The following EXOC4 variants were observed in gnomAD, a reference collection of about 807,000 sequenced individuals.
The protein encoded by EXOC4 is exocyst complex component 4.
Under a neutral mutation model 107.2 loss-of-function variants are expected in EXOC4, and 71 were observed. The ratio of observed to expected loss-of-function variants is 0.66; its 90% CI spans 0.55 to 0.81. EXOC4 has a LOEUF of 0.81. EXOC4 is among the 30% of genes least tolerant of loss of function. The pLI, the probability that EXOC4 is intolerant of heterozygous loss-of-function variation, is 0.00. For synonymous variants in EXOC4, 456 were observed against 441.2 expected (o/e 1.03, Z -0.42); for missense variants, 1,108 against 1,189.6 (o/e 0.93, Z 1.01).
chr7:133,395,217 A>G (rs1796944825), intron 7 of EXOC4, among the ~76,000 whole-genome samples: 1 of 151,720 alleles, frequency 6.6e-6, no homozygotes, highest in East Asian at 1.9e-4. Context: ...CATTTAAAGC[A>G]CTCACATTAA....
chr7:133,738,425 A>G (rs530259343), intron 10 of EXOC4, among the ~76,000 whole-genome samples: 60 of 152,302 alleles, frequency 3.9e-4, no homozygotes, highest in African/African-American at 1.4e-3. Flanking sequence ...TTAGTGCAAC[A>G]TTGTAAAAGA....
intron 10 of EXOC4, among the ~76,000 whole-genome samples, chr7:133,729,206 G>A (rs1018537888): frequency 3.3e-5 from 5 of 152,052 alleles, no homozygotes; most frequent in Admixed American, 6.5e-5. Context: ...ATTTAGTTGC[G>A]AACTAAAAAC....
At chr7:133,796,452 T>A (rs1796816410) in intron 10 of EXOC4, among the ~76,000 whole-genome samples, 1 of 152,162 alleles carries the variant, frequency 6.6e-6, no homozygotes, top group Admixed American at 6.5e-5. Flanking sequence ...ATTGATGTAA[T>A]ATTGAGTTAA....
chr7:133,977,164 G>T (rs1053549698), intron 14 of EXOC4, among the ~76,000 whole-genome samples: 1 of 152,220 alleles, frequency 6.6e-6, no homozygotes, highest in Non-Finnish European at 1.5e-5. Flanking sequence ...GCTCCAAATT[G>T]AGTGACCTTG....
At chr7:133,857,705 C>T (rs932286095) in intron 11 of EXOC4, among the ~76,000 whole-genome samples, 1 of 151,918 alleles carries the variant, frequency 6.6e-6, no homozygotes, top group African/African-American at 2.4e-5. Flanking sequence ...CTGGACTAGG[C>T]ATACCACAAG....
chr7:133,895,312 G>A (rs907223902), intron 11 of EXOC4: 14 of 331,232 alleles, frequency 4.2e-5, no homozygotes, highest in Non-Finnish European at 7.6e-5. Flanking sequence ...GCACCCACTG[G>A]CCTGCGCCCA....
intron 10 of EXOC4, among the ~76,000 whole-genome samples, chr7:133,746,519 A>G (rs2151133722): frequency 6.6e-6 from 1 of 152,230 alleles, no homozygotes; most frequent in East Asian, 1.9e-4. Flanking sequence ...ATTTCTGCCT[A>G]AGGCTGGGTT....
At chr7:133,698,779 A>G (rs1794594191) in intron 10 of EXOC4, among the ~76,000 whole-genome samples, 1 of 152,154 alleles carries the variant, frequency 6.6e-6, no homozygotes, top group African/African-American at 2.4e-5. Context: ...CTTTGAGGCC[A>G]TGTACTGTGA....
At chr7:133,638,506 T>A (rs186453494) in intron 10 of EXOC4, among the ~76,000 whole-genome samples, 1 of 152,292 alleles carries the variant, frequency 6.6e-6, no homozygotes, top group Non-Finnish European at 1.5e-5. Context: ...ATAGTTGACT[T>A]CTGTGTCGCT....
At position 133,751,258 on chromosome 7, in the gene EXOC4, G is replaced by T. The variant is rs74428268; in HGVS notation, c.1515-66067G>T. 1.9e-3 allele frequency among the ~76,000 whole-genome samples: 294 copies of T among 152,288 alleles called. 4 individuals carry two copies. The highest frequency in any genetic ancestry group is 6.8e-3 in the African/African-American group (282 of 41,560). On this transcript the variant is annotated intron_variant, in intron 10 of 17. Coordinates refer to ENST00000253861, the MANE Select transcript of EXOC4 (RefSeq NM_021807.4). ...GCACTAGTATTCACCATTCCCAAAT[G>T]TTACAATTAAATCATTTGAGAGTCT...
chr7:133,402,271 G>A (rs1797107090), intron 7 of EXOC4, among the ~76,000 whole-genome samples: 1 of 152,182 alleles, frequency 6.6e-6, no homozygotes, highest in Non-Finnish European at 1.5e-5. Flanking sequence ...CTTTGTAAGT[G>A]GTAAAATTTG....
At chr7:134,025,721 A>G (rs1449208111) in intron 17 of EXOC4, among the ~76,000 whole-genome samples, 1 of 152,102 alleles carries the variant, frequency 6.6e-6, no homozygotes. Context: ...TTTCCATGTG[A>G]TTTCTTCATC....
At chr7:133,607,562 T>C (rs1801977863) in intron 9 of EXOC4, among the ~76,000 whole-genome samples, 1 of 152,098 alleles carries the variant, frequency 6.6e-6, no homozygotes, top group South Asian at 2.1e-4. Flanking sequence ...ATGTAGTAAA[T>C]AAATAATTAT....
chr7:134,076,091 G>T, the EXOC4 span, among the ~76,000 whole-genome samples: 1 of 152,218 alleles, frequency 6.6e-6, no homozygotes, highest in Admixed American at 6.5e-5. Context: ...TTCAATGAGG[G>T]ATGAAATTTT....
chr7:133,355,065 A>C (rs1795993542), intron 5 of EXOC4, among the ~76,000 whole-genome samples: 1 of 152,164 alleles, frequency 6.6e-6, no homozygotes, highest in South Asian at 2.1e-4. Flanking sequence ...TCTGAAGTAG[A>C]GGTTTTATGG....
intron 15 of EXOC4, among the ~76,000 whole-genome samples, chr7:133,998,069 T>C (rs1280376785): frequency 1.3e-5 from 2 of 152,222 alleles, no homozygotes; most frequent in Non-Finnish European, 2.9e-5. Flanking sequence ...TTGTGATTGA[T>C]ATTTTTACTA....
chr7:133,872,670 C>T (rs903869169), intron 11 of EXOC4, among the ~76,000 whole-genome samples: 3 of 152,114 alleles, frequency 2.0e-5, no homozygotes, highest in Non-Finnish European at 4.4e-5. Flanking sequence ...CTATATTTTG[C>T]GGTGAGCTCT....
intron 8 of EXOC4, chr7:133,479,279 ATTTG>A (rs1799097190): frequency 1.3e-5 from 2 of 151,804 alleles, no homozygotes. Flanking sequence ...CTTAAGACTG[ATTTG>A]TTTTTGTTAT....
the EXOC4 span, among the ~76,000 whole-genome samples, chr7:134,078,028 G>A: frequency 6.6e-6 from 1 of 152,184 alleles, no homozygotes; most frequent in Non-Finnish European, 1.5e-5. Flanking sequence ...GGATCTGGCT[G>A]TGCCTGTTGC....
Sources: gnomAD v4.1 joint callset for allele counts (sites outside exome capture counted in the v4.1 genomes callset) on GRCh38, gnomAD v4.1.1 for gene constraint, MANE v1.5 for transcripts, NCBI Gene and HGNC (gene_info 2026-07-23, HGNC 2026-07-21) for gene names.